The following MDGA2 variants were observed in gnomAD, a reference collection of about 807,000 sequenced individuals.
MDGA2 encodes MAM domain containing glycosylphosphatidylinositol anchor 2.
A neutral mutation model predicts 117.8 loss-of-function variants in MDGA2; 40 were observed. That is an observed-to-expected ratio of 0.34 (90% CI 0.26 to 0.44). The LOEUF (loss-of-function observed/expected upper bound fraction) is 0.44, where lower values mean the gene tolerates loss of function less well. MDGA2 is among the 20% of genes least tolerant of loss of function. The pLI is 1.00. For synonymous variants in MDGA2, 452 were observed against 439.0 expected, an observed-to-expected ratio of 1.03 and a Z score of -0.37; for missense variants, 1,123 against 1,250.6, an observed-to-expected ratio of 0.90 and a Z score of 1.54.
intron 1 of MDGA2, among the ~76,000 whole-genome samples, chr14:47,593,175 A>C (rs1286068790): frequency 6.6e-6 from 1 of 152,232 alleles, no homozygotes; most frequent in Admixed American, 6.5e-5. Flanking sequence ...TCAGAACCTC[A>C]GTGAGATACC....
intron 2 of MDGA2, among the ~76,000 whole-genome samples, chr14:47,230,668 A>T (rs1464850464): frequency 6.6e-6 from 1 of 152,012 alleles, no homozygotes; most frequent in Admixed American, 6.6e-5. Context: ...ACAACACATT[A>T]TATGGGTACC....
At chr14:46,978,587 T>C (rs1886554600) in intron 8 of MDGA2, among the ~76,000 whole-genome samples, 2 of 152,100 alleles carry the variant, frequency 1.3e-5, no homozygotes, top group Non-Finnish European at 2.9e-5. Context: ...CACTTTTTAA[T>C]GTGCCATAAA....
chr14:46,993,038 TTTAG>T (rs745836287), intron 8 of MDGA2, among the ~76,000 whole-genome samples: 8 of 152,242 alleles, frequency 5.3e-5, no homozygotes, highest in Admixed American at 2.6e-4. Context: ...TACTTGGCTC[TTTAG>T]TTATTCATTG....
intron 1 of MDGA2, among the ~76,000 whole-genome samples, chr14:47,537,012 T>G (rs1162842683): frequency 6.6e-6 from 1 of 152,138 alleles, no homozygotes; most frequent in Non-Finnish European, 1.5e-5. Context: ...TGCATGTAAT[T>G]AAAGCTTATA....
At position 47,359,748 on chromosome 14, in the gene MDGA2, C is replaced by CAAA. The variant is rs71448198; in HGVS notation, c.281-58201_281-58199dup. Among the ~76,000 whole-genome samples the CAAA allele has an allele frequency of 2.9e-3, 326 of 110,680 alleles. 8 individuals carry two copies. The highest frequency in any genetic ancestry group is 3.6e-3 in the Non-Finnish European group (199 of 54,886). The allele number at this position is 110,680 out of a possible 152,430, so 72.6% of individuals were successfully genotyped here. ...CCTGGACTGCAGAGCAAGACTGTCTCAAAAAAAAAAAAAAAAAAGAAAAGA... is the reference window on the plus strand; with the variant it reads ...CCTGGACTGCAGAGCAAGACTGTCTCAAAAAAAAAAAAAAAAAAAAAGAAAAGA... On this transcript the variant is annotated intron_variant, in intron 1 of 16. Transcript: ENST00000399232.
At chr14:47,565,160 T>C (rs1166421747) in intron 1 of MDGA2, among the ~76,000 whole-genome samples, 1 of 152,232 alleles carries the variant, frequency 6.6e-6, no homozygotes, top group Non-Finnish European at 1.5e-5. Flanking sequence ...GGGGAAGTAG[T>C]GCAGTCATTT....
intron 1 of MDGA2, among the ~76,000 whole-genome samples, chr14:47,529,020 A>G (rs2138727658): frequency 6.8e-6 from 1 of 146,506 alleles, no homozygotes; most frequent in East Asian, 2.0e-4. Flanking sequence ...TTTTTTTTTG[A>G]GATGGAGTCT....
chr14:47,434,135 A>G (rs1892852424), intron 1 of MDGA2, among the ~76,000 whole-genome samples: 1 of 152,110 alleles, frequency 6.6e-6, no homozygotes, highest in Non-Finnish European at 1.5e-5. Context: ...ATTTTAGGAA[A>G]TCATCATTTA....
chr14:47,097,501 C>T (rs756233168), intron 5 of MDGA2, among the ~76,000 whole-genome samples: 1 of 151,806 alleles, frequency 6.6e-6, no homozygotes, highest in Non-Finnish European at 1.5e-5. Flanking sequence ...GATATTCAGT[C>T]CTTGTATTTT....
chr14:47,377,304 C>A (rs1479080513), intron 1 of MDGA2, among the ~76,000 whole-genome samples: 3 of 152,080 alleles, frequency 2.0e-5, no homozygotes, highest in Non-Finnish European at 4.4e-5. Flanking sequence ...ATGAGTGATG[C>A]AGAAGACGGG....
At chr14:47,318,273 C>A (rs887614083) in intron 1 of MDGA2, among the ~76,000 whole-genome samples, 2 of 152,148 alleles carry the variant, frequency 1.3e-5, no homozygotes, top group African/African-American at 2.4e-5. Context: ...GCTGGAAATT[C>A]TTCTTCTGCT....
At chr14:47,035,402 A>T (rs1888810247) in intron 7 of MDGA2, 98 bp from the exon 8 acceptor site, 1 of 947,620 alleles carries the variant, frequency 1.1e-6, no homozygotes, top group Non-Finnish European at 1.6e-6. Context: ...TGCTGGCTGA[A>T]GAAATGTGAC....
intron 7 of MDGA2, among the ~76,000 whole-genome samples, chr14:47,058,178 T>C (rs1326108251): frequency 6.6e-6 from 1 of 151,992 alleles, no homozygotes; most frequent in Non-Finnish European, 1.5e-5. Context: ...GATGAAGAAT[T>C]AAAGAGAGAG....
chr14:47,535,595 T>G (rs934200672), intron 1 of MDGA2, among the ~76,000 whole-genome samples: 2 of 152,086 alleles, frequency 1.3e-5, no homozygotes, highest in Non-Finnish European at 2.9e-5. Flanking sequence ...AGGAGTGCAT[T>G]TCAATAATAA....
rs1327042800 is a variant in MDGA2 at position 47,131,770 on chromosome 14, C to T, written c.869G>A (p.Arg290Lys). Residue 290 changes from arginine to lysine, a missense_variant, in exon 5 of 17, where the codon AGG (arginine) becomes AAG (lysine). Arg to Lys is a conservative substitution (Grantham distance 26). Coordinates refer to ENST00000399232, the MANE Select transcript of MDGA2 (RefSeq NM_001113498.3). ...CTTATCAGGAATATTACATACATTCCTCACTGAAGCAATGCAGCTATAATT... is the reference window on the plus strand; with the variant it reads ...CTTATCAGGAATATTACATACATTCTTCACTGAAGCAATGCAGCTATAATT... ...YANYSCIASV[R>K]NVCNIPDKMV... 1 of 1,588,998 alleles carries T rather than the reference C, an allele frequency of 6.3e-7. No individual in the cohort carries two copies. The highest frequency in any genetic ancestry group is 8.6e-7 in the Non-Finnish European group (1 of 1,162,066).
chr14:47,233,020 C>T (rs1001053375), intron 2 of MDGA2, among the ~76,000 whole-genome samples: 25 of 152,028 alleles, frequency 1.6e-4, no homozygotes, highest in African/African-American at 6.0e-4. Context: ...CTTTAATGTG[C>T]CTTCAACTGA....
At chr14:47,098,925 G>T (rs980149592) in intron 5 of MDGA2, among the ~76,000 whole-genome samples, 1 of 151,842 alleles carries the variant, frequency 6.6e-6, no homozygotes, top group African/African-American at 2.4e-5. Context: ...ATGCAAAAAA[G>T]CTTAAGATAA....
rs185844098 is a variant in MDGA2 at position 47,283,544 on chromosome 14, T to A, written c.420+17867A>T. On this transcript the variant is annotated intron_variant, in intron 2 of 16. Transcript: ENST00000399232. ...TACATGAATACCATTTTGTTACATT[T>A]GATGCAAGTTACAAAAGCAACCAGG... 2.2e-3 allele frequency among the ~76,000 whole-genome samples: 340 copies of A among 152,316 alleles called. 2 individuals carry two copies. Among genetic ancestry groups the A allele is most frequent in the African/African-American group, 7.6e-3 (316 of 41,570 alleles).
At chr14:47,060,212 G>A (rs976030998) in intron 7 of MDGA2, among the ~76,000 whole-genome samples, 2 of 151,876 alleles carry the variant, frequency 1.3e-5, no homozygotes, top group African/African-American at 4.8e-5. Context: ...GATAAAAATT[G>A]AATATCTTCT....
Sources: allele counts gnomAD v4.1 joint callset (sites outside exome capture counted in the v4.1 genomes callset), GRCh38; gene constraint gnomAD v4.1.1; transcripts MANE v1.5; gene names NCBI Gene and HGNC (gene_info 2026-07-23, HGNC 2026-07-21).